The following GRIK3 variants were observed in gnomAD, a reference collection of about 807,000 sequenced individuals.
GRIK3 encodes glutamate ionotropic receptor kainate type subunit 3.
GRIK3 carries 29 observed loss-of-function variants against 102.5 expected under a neutral mutation model. The ratio of observed to expected loss-of-function variants is 0.28; its 90% confidence interval spans 0.21 to 0.39. The LOEUF (loss-of-function observed/expected upper bound fraction) is 0.39, where lower values mean the gene tolerates loss of function less well. Ranked by LOEUF, GRIK3 falls within the 10% of genes least tolerant of loss-of-function variation. The pLI is 1.00. For synonymous variants in GRIK3, 511 were observed against 504.9 expected, an observed-to-expected ratio of 1.01 and a Z score of -0.16; for missense variants, 908 against 1,252.4, an observed-to-expected ratio of 0.73 and a Z score of 4.15.
Position 36,817,099 on chromosome 1 carries a change from A to G in GRIK3, c.2052T>C (p.Tyr684=), listed in dbSNP as rs1202901063. ...TGGTGGCCCCATCCTTGACAGCCCC[A>G]TACTCGATTTTGGTTTGCTTGGCCA... ...DDLAKQTKIE[Y]GAVKDGATMT... is the part of the protein sequence containing the mutation. The change falls in exon 13 of 16, where the codon TAT becomes TAC. Residue 684 remains tyrosine, a synonymous_variant. Transcript: ENST00000373091. The G allele has an allele frequency of 2.5e-6, 4 of 1,614,148 alleles. No individual in the cohort carries two copies. Among genetic ancestry groups the G allele is most frequent in the Non-Finnish European group, 3.4e-6 (4 of 1,180,000 alleles).
At chr1:36,831,617 A>G (rs1640300739) in intron 10 of GRIK3, among the ~76,000 whole-genome samples, 1 of 152,230 alleles carries the variant, frequency 6.6e-6, no homozygotes, top group Non-Finnish European at 1.5e-5. Flanking sequence ...GTCATGCGTG[A>G]TCTAGTCCAG....
At chr1:36,924,110 G>C (rs1272946461) in intron 1 of GRIK3, among the ~76,000 whole-genome samples, 2 of 152,212 alleles carry the variant, frequency 1.3e-5, no homozygotes, top group Non-Finnish European at 2.9e-5. Flanking sequence ...GGCAGGGAGG[G>C]CACTGCCAGG....
intron 1 of GRIK3, among the ~76,000 whole-genome samples, chr1:36,904,802 TG>T (rs1641268069): frequency 6.6e-6 from 1 of 152,160 alleles, no homozygotes; most frequent in Non-Finnish European, 1.5e-5. Flanking sequence ...TGGGTTTTGC[TG>T]GGGCCAGATG....
intron 1 of GRIK3, among the ~76,000 whole-genome samples, chr1:36,920,505 T>G (rs986814443): frequency 1.3e-5 from 2 of 151,988 alleles, no homozygotes; most frequent in Admixed American, 1.3e-4. Flanking sequence ...CTGTTTGGGG[T>G]TGGATTTTGC....
At chr1:36,864,823 G>T (rs764186527) in intron 5 of GRIK3, among the ~76,000 whole-genome samples, 3 of 151,564 alleles carry the variant, frequency 2.0e-5, no homozygotes, top group Non-Finnish European at 4.4e-5. Flanking sequence ...TGGTGAAGAG[G>T]CTCTTTTGTC....
At chr1:36,862,592 G>A (rs1640739857) in intron 5 of GRIK3, among the ~76,000 whole-genome samples, 1 of 152,138 alleles carries the variant, frequency 6.6e-6, no homozygotes, top group African/African-American at 2.4e-5. Context: ...GATGCCTCTC[G>A]AATCAGAGAA....
intron 1 of GRIK3, among the ~76,000 whole-genome samples, chr1:36,947,780 G>A (rs1395071084): frequency 6.6e-6 from 1 of 152,062 alleles, no homozygotes; most frequent in Non-Finnish European, 1.5e-5. Flanking sequence ...TTTATCCAGA[G>A]CTGTAGCATC....
chr1:36,842,954 G>A (rs1244235915), intron 9 of GRIK3, among the ~76,000 whole-genome samples: 2 of 152,118 alleles, frequency 1.3e-5, no homozygotes, highest in Non-Finnish European at 2.9e-5. Flanking sequence ...GTGCTTGTGG[G>A]TCAGAGATGC....
chr1:36,818,992 T>G (rs972432506), intron 12 of GRIK3, among the ~76,000 whole-genome samples: 8 of 152,106 alleles, frequency 5.3e-5, no homozygotes, highest in African/African-American at 1.9e-4. Context: ...TGGCTGGTGG[T>G]CCCCTCTCCC....
chr1:36,890,623 A>G (rs1641102632), intron 2 of GRIK3, among the ~76,000 whole-genome samples: 1 of 152,186 alleles, frequency 6.6e-6, no homozygotes, highest in African/African-American at 2.4e-5. Flanking sequence ...CAATAAGAGT[A>G]AAGTCCTATA....
At chr1:36,922,392 C>T (rs549911005) in intron 1 of GRIK3, among the ~76,000 whole-genome samples, 3 of 152,332 alleles carry the variant, frequency 2.0e-5, no homozygotes, top group Admixed American at 2.0e-4. Context: ...GGAAGTTCTG[C>T]TGCTGCCTCA....
At chr1:36,965,732 A>G (rs1270706598) in intron 1 of GRIK3, among the ~76,000 whole-genome samples, 1 of 152,220 alleles carries the variant, frequency 6.6e-6, no homozygotes, top group African/African-American at 2.4e-5. Flanking sequence ...GTTCCCAGGG[A>G]GGTTAAACGT....
chr1:36,866,809 G>A (rs903562502), intron 5 of GRIK3, among the ~76,000 whole-genome samples: 27 of 152,100 alleles, frequency 1.8e-4, no homozygotes, highest in African/African-American at 6.5e-4. Context: ...ACAATTTCAC[G>A]GATTACTTTC....
chr1:36,966,291 C>T (rs1172866150), intron 1 of GRIK3, among the ~76,000 whole-genome samples: 1 of 152,214 alleles, frequency 6.6e-6, no homozygotes, highest in Non-Finnish European at 1.5e-5. Context: ...TGGGACCAGA[C>T]AGGCTATCAG....
intron 10 of GRIK3, among the ~76,000 whole-genome samples, chr1:36,826,364 C>A (rs1188472123): frequency 1.3e-5 from 2 of 152,208 alleles, no homozygotes; most frequent in African/African-American, 4.8e-5. Flanking sequence ...ATAATACCCT[C>A]CTTTGGAGAA....
At chr1:36,951,674 C>G (rs1034647853) in intron 1 of GRIK3, among the ~76,000 whole-genome samples, 1 of 152,120 alleles carries the variant, frequency 6.6e-6, no homozygotes, top group Admixed American at 6.5e-5. Flanking sequence ...GTGCTCTCCC[C>G]CTTGGGCAGG....
chr1:37,022,970 A>G (rs1388047435), intron 1 of GRIK3, among the ~76,000 whole-genome samples: 1 of 152,222 alleles, frequency 6.6e-6, no homozygotes, highest in African/African-American at 2.4e-5. Context: ...GAGGTTGAGA[A>G]ATGCTTCCTG....
intron 1 of GRIK3, among the ~76,000 whole-genome samples, chr1:36,961,129 C>T (rs144428807): frequency 1.5e-3 from 228 of 152,338 alleles, no homozygotes; most frequent in African/African-American, 5.1e-3. Context: ...TGCCTCTTCT[C>T]CCCTGCACAT....
At chr1:36,892,313 G>A (rs1641126677) in intron 1 of GRIK3, among the ~76,000 whole-genome samples, 1 of 152,168 alleles carries the variant, frequency 6.6e-6, no homozygotes, top group Non-Finnish European at 1.5e-5. Context: ...GTGAGCCACT[G>A]TGCCGGACTA....
Sources: allele counts gnomAD v4.1 joint callset (sites outside exome capture counted in the v4.1 genomes callset), GRCh38; gene constraint gnomAD v4.1.1; transcripts MANE v1.5; gene names NCBI Gene and HGNC (gene_info 2026-07-23, HGNC 2026-07-21).